The following CYP11A1 variants were observed in gnomAD, a reference collection of about 807,000 sequenced individuals.
CYP11A1 encodes cytochrome P450 family 11 subfamily A member 1.
CYP11A1 carries 25 observed loss-of-function variants against 51.9 expected under a neutral mutation model. That is an observed-to-expected ratio of 0.48 (90% confidence interval 0.35 to 0.67). CYP11A1 has a LOEUF of 0.67. Among genes scored for constraint, CYP11A1 ranks in the 30% least tolerant of loss-of-function variants. CYP11A1 has a pLI of 0.00. For synonymous variants in CYP11A1, 245 were observed against 262.1 expected (o/e 0.93, Z 0.63); for missense variants, 578 against 680.9 (o/e 0.85, Z 1.68).
At position 74,337,807 on chromosome 15, in the gene CYP11A1, T is replaced by G; in HGVS notation, c.*165A>C. 1.2e-6 allele frequency: 1 copy of G among 813,952 alleles called. No individual in the cohort carries two copies. The highest frequency in any genetic ancestry group is 1.5e-5 in the South Asian group (1 of 68,226). The allele number at this position is 813,952 out of a possible 1,614,324, so 50.4% of individuals were successfully genotyped here. On this transcript the variant is annotated 3_prime_UTR_variant, in exon 9 of 9. Transcript: ENST00000268053. ...TCTCCATGGGGTGGGTGAAGAGGAG[T>G]GGCCCAGCTGAGCTGAGGAAGGTGA...
intron 1 of CYP11A1, among the ~76,000 whole-genome samples, chr15:74,352,644 G>T (rs1037180904): frequency 6.6e-6 from 1 of 152,134 alleles, no homozygotes; most frequent in African/African-American, 2.4e-5. Flanking sequence ...GTCTCACTGA[G>T]ATAAATGCAT....
intron 1 of CYP11A1, chr15:74,350,298 C>T (rs1482021209): frequency 5.0e-6 from 1 of 199,808 alleles, no homozygotes; most frequent in Non-Finnish European, 1.2e-5. Context: ...AAAAAACCCA[C>T]AAAAGTTGTA....
At chr15:74,366,181 G>A (rs1428720725) in intron 1 of CYP11A1, 2 of 985,536 alleles carry the variant, frequency 2.0e-6, no homozygotes, top group Non-Finnish European at 2.4e-6. Context: ...GCGGCGGCGT[G>A]CGCTGGGAGG....
Position 74,337,943 on chromosome 15 carries a change from C to T in CYP11A1, c.*29G>A. ...ATGGGCCCCACCCCTGGGCCTTCCT[C>T]CCATGTGGCTGCAGGCCATCCTCTC... On this transcript the variant is annotated 3_prime_UTR_variant, in exon 9 of 9. Transcript: ENST00000268053. 6.2e-7 allele frequency: 1 copy of T among 1,613,232 alleles called. No homozygotes were observed. The highest frequency in any genetic ancestry group is 1.1e-5 in the South Asian group (1 of 91,012).
chr15:74,347,889 C>T lies in CYP11A1; in HGVS notation c.425+11G>A, dbSNP rs756756909. On this transcript the variant is annotated intron_variant, in intron 2 of 8. Coordinates refer to ENST00000268053, the MANE Select transcript of CYP11A1 (RefSeq NM_000781.3). ...CTCCCTCCAGTCCCTGGGAGATGGC[C>T]CAGGACTCACTTCAACAGGACTCCT... is the stretch of plus-strand genomic sequence containing the variant. 8 of 1,613,806 alleles carry T rather than the reference C, an allele frequency of 5.0e-6. No individual in the cohort carries two copies. The Admixed American group carries it at 5.0e-5, about 10-fold the overall frequency.
intron 1 of CYP11A1, chr15:74,361,810 A>G: frequency 8.3e-7 from 1 of 1,207,814 alleles, no homozygotes; most frequent in Non-Finnish European, 1.2e-6. Context: ...GATGATGAGA[A>G]CTTCATCCTA....
chr15:74,338,403 AG>A, intron 8 of CYP11A1, 167 bp downstream of exon 8: 1 of 780,734 alleles, frequency 1.3e-6, no homozygotes, highest in Non-Finnish European at 2.2e-6. Context: ...AGCCCGAAAG[AG>A]GGGGCAGCAG....
At chr15:74,339,774 C>T (rs1310523869) in intron 5 of CYP11A1, 21 bp from the exon 6 acceptor site, 1 of 1,613,632 alleles carries the variant, frequency 6.2e-7, no homozygotes, top group Non-Finnish European at 8.5e-7. Context: ...GTAGGGTATA[C>T]AGAAGACCAG....
chr15:74,350,043 C>A, intron 1 of CYP11A1: 1 of 324,800 alleles, frequency 3.1e-6, no homozygotes, highest in African/African-American at 2.3e-5. Context: ...GTCTGAGGAC[C>A]ACTGAACATC....
rs775402564 is a variant in CYP11A1, at chr15:74,367,326, G to C, written c.260C>G (p.Pro87Arg). ...HHVQNFQKYG[P>R]IYREKLGNVE... ...CCTCTGCCAGGCTTACCTGTAAATC[G>C]GGCCATACTTCTGGAAATTCTGGAC... The change falls in exon 1 of 9, where the codon CCG (proline) becomes CGG (arginine). Residue 87 changes from proline (P) to arginine (R), a missense_variant. By Grantham distance (103) the Pro-to-Arg change is moderately radical (BLOSUM62 -2). Transcript: ENST00000268053. 4.3e-6 allele frequency: 7 copies of C among 1,614,104 alleles called. No homozygotes were observed. Among genetic ancestry groups the C allele is most frequent in the Non-Finnish European group, 5.9e-6 (7 of 1,180,020 alleles).
intron 1 of CYP11A1, among the ~76,000 whole-genome samples, chr15:74,353,636 T>G (rs371209031): frequency 2.6e-5 from 4 of 152,218 alleles, no homozygotes; most frequent in Admixed American, 2.0e-4. Flanking sequence ...TGTGGGTTTT[T>G]GGGGGCCCTA....
chr15:74,359,647 A>C (rs1437847431), intron 1 of CYP11A1: 1 of 152,008 alleles, frequency 6.6e-6, no homozygotes, highest in Non-Finnish European at 1.5e-5. Flanking sequence ...ACCTACCCAA[A>C]TCCTATAAAA....
intron 3 of CYP11A1, among the ~76,000 whole-genome samples, chr15:74,344,572 G>A (rs2060623149): frequency 1.3e-5 from 2 of 152,184 alleles, no homozygotes; most frequent in South Asian, 4.1e-4. Flanking sequence ...TTGTATGTGT[G>A]GTTCCCTCTA....
chr15:74,360,593 A>T (rs1417312671), intron 1 of CYP11A1, among the ~76,000 whole-genome samples: 1 of 148,534 alleles, frequency 6.7e-6, no homozygotes, highest in Non-Finnish European at 1.5e-5. Context: ...CTAACTTACC[A>T]GGTTTTATGT....
At chr15:74,347,711 T>TTCA (rs371547447) in intron 2 of CYP11A1, among the ~76,000 whole-genome samples, 189 bp downstream of exon 2, 74 of 152,072 alleles carry the variant, frequency 4.9e-4, no homozygotes, top group African/African-American at 1.4e-3. Context: ...GGCAGAGCAA[T>TTCA]TCATCATCAT....
intron 2 of CYP11A1, 121 bp downstream of exon 2, chr15:74,347,779 C>T: frequency 1.1e-6 from 1 of 926,608 alleles, no homozygotes; most frequent in Non-Finnish European, 1.7e-6. Flanking sequence ...GGGGATTCAC[C>T]TAGAGGCCCT....
In CYP11A1 at chr15:74,342,993, G is replaced by T. The variant is rs1402190131; in HGVS notation, c.974C>A (p.Ala325Glu). Residue 325 changes from alanine to glutamate, a missense_variant, in exon 5 of 9, where the codon GCA (alanine) becomes GAA (glutamate). Transcript: ENST00000268053. ...DIKANVTEML[A>E]GGVDTTSMTL... ...CCACCTCACCGTGTCCACCCCTCCTGCCAGCATCTCTGTGACGTTGGCCTT... is the reference window on the plus strand; with the variant it reads ...CCACCTCACCGTGTCCACCCCTCCTTCCAGCATCTCTGTGACGTTGGCCTT... The T allele has an allele frequency of 6.2e-7, 1 of 1,612,434 alleles. No individual in the cohort carries two copies. The highest frequency in any genetic ancestry group is 8.5e-7 in the Non-Finnish European group (1 of 1,180,018).
In CYP11A1 at chr15:74,339,755, T is replaced by C; in HGVS notation, c.991-2A>G. ...GTGCCACTGCAGGGTCATGGACGTC[T>C]GGTGGGGAGTAGGGTATACAGAAGA... On this transcript the variant is annotated splice_acceptor_variant, in intron 5 of 8. Transcript: ENST00000268053. LOFTEE classifies it high-confidence loss of function. The C allele has an allele frequency of 6.2e-7, 1 of 1,614,106 alleles. No individual in the cohort carries two copies. Among genetic ancestry groups the C allele is most frequent in the South Asian group, 1.1e-5 (1 of 91,090 alleles).
At chr15:74,350,013 C>T (rs372240942) in intron 1 of CYP11A1, among the ~76,000 whole-genome samples, 45 of 152,160 alleles carry the variant, frequency 3.0e-4, no homozygotes, top group East Asian at 7.7e-4. Context: ...ATAAACGAAA[C>T]GAGATCTTTC....
Sources: gnomAD v4.1 joint callset for allele counts (sites outside exome capture counted in the v4.1 genomes callset) on GRCh38, gnomAD v4.1.1 for gene constraint, MANE v1.5 for transcripts, NCBI Gene and HGNC (gene_info 2026-07-23, HGNC 2026-07-21) for gene names.